The following TENM4 variants were observed in gnomAD, a reference collection of about 807,000 sequenced individuals.
The protein encoded by TENM4 is teneurin transmembrane protein 4.
TENM4 carries 82 observed loss-of-function variants against 243.3 expected under a neutral mutation model. The observed-to-expected ratio is 0.34, with a 90% confidence interval of 0.28 to 0.40. TENM4 has a LOEUF of 0.40. Ranked by LOEUF, TENM4 falls within the 10% of genes least tolerant of loss-of-function variation. TENM4 has a pLI of 1.00. For missense variants in TENM4, 3,138 were observed against 3,673.3 expected, an observed-to-expected ratio of 0.85 and a Z score of 3.77; for synonymous variants, 1,412 against 1,456.3, an observed-to-expected ratio of 0.97 and a Z score of 0.69.
intron 27 of TENM4, among the ~76,000 whole-genome samples, chr11:78,704,151 A>ATG (rs1168148798): frequency 4.7e-5 from 5 of 106,006 alleles, no homozygotes; most frequent in African/African-American, 2.0e-4. Context: ...ATGTGTATGT[A>ATG]TGTGTGTCTA....
chr11:79,014,507 C>T (rs192221090), intron 6 of TENM4: 46 of 152,342 alleles, frequency 3.0e-4, no homozygotes, highest in African/African-American at 1.1e-3. Context: ...TAAAATGGTT[C>T]TCCTTAATGT....
intron 3 of TENM4, among the ~76,000 whole-genome samples, chr11:79,202,829 G>A (rs1429261332): frequency 6.6e-6 from 1 of 152,214 alleles, no homozygotes; most frequent in African/African-American, 2.4e-5. Context: ...ACCCTAGACA[G>A]AAAGACCATG....
At chr11:79,182,689 G>A (rs1214223768) in intron 3 of TENM4, among the ~76,000 whole-genome samples, 1 of 152,078 alleles carries the variant, frequency 6.6e-6, no homozygotes, top group Non-Finnish European at 1.5e-5. Context: ...AGGACTGTTA[G>A]CCAAAATATC....
Position 78,803,843 on chromosome 11 carries a change from G to A in TENM4, c.2179+1449C>T, listed in dbSNP as rs1955063. On this transcript the variant is annotated intron_variant, in intron 15 of 33. Transcript: ENST00000278550. The stretch of plus-strand genomic sequence containing the variant: ...CTTTAAGAGGACCATTTATTATATC[G>A]CTATAAACAGAGCTATATAAAAAGA... 5.7e-3 allele frequency among the ~76,000 whole-genome samples: 866 copies of A among 152,258 alleles called. 20 individuals are homozygous for A. The highest frequency in any genetic ancestry group is 0.047 in the Admixed American group (722 of 15,296).
At chr11:79,291,906 AG>A (rs1481645913) in intron 2 of TENM4, among the ~76,000 whole-genome samples, 4 of 152,178 alleles carry the variant, frequency 2.6e-5, no homozygotes, top group African/African-American at 9.7e-5. Flanking sequence ...CTGCAGTCCC[AG>A]GACTTAGAAC....
At chr11:78,663,812 G>T (rs963976592) in intron 32 of TENM4, among the ~76,000 whole-genome samples, 1 of 152,184 alleles carries the variant, frequency 6.6e-6, no homozygotes, top group Non-Finnish European at 1.5e-5. Context: ...CTACTGGTGT[G>T]AGTGACTGTG....
chr11:78,907,789 C>T lies in TENM4; in HGVS notation c.494-4266G>A, dbSNP rs11820902. 9.8e-3 allele frequency among the ~76,000 whole-genome samples: 1,493 copies of T among 152,306 alleles called. 22 individuals carry two copies. The highest frequency in any genetic ancestry group is 0.034 in the African/African-American group (1,412 of 41,554). On this transcript the variant is annotated intron_variant, in intron 6 of 33. Coordinates refer to ENST00000278550, the MANE Select transcript of TENM4 (RefSeq NM_001098816.3). ...CCTGCACAAGCAGTTGCTTCTCTCA[C>T]GCTACCTGGGAGTACACATTGGTAC...
intron 6 of TENM4, among the ~76,000 whole-genome samples, chr11:78,920,092 T>C (rs1359022158): frequency 6.6e-6 from 1 of 152,176 alleles, no homozygotes; most frequent in Non-Finnish European, 1.5e-5. Flanking sequence ...TGTCACATAG[T>C]AGGTGCGAAT....
intron 4 of TENM4, among the ~76,000 whole-genome samples, chr11:79,123,670 T>A (rs572995149): frequency 6.6e-6 from 1 of 151,708 alleles, no homozygotes; most frequent in Non-Finnish European, 1.5e-5. Context: ...AGGCTTGGAC[T>A]GGGCCTTGTG....
At position 78,866,553 on chromosome 11, in the gene TENM4, T is replaced by C. The variant is rs1007400964; in HGVS notation, c.1085-3421A>G. 2.9e-5 allele frequency among the ~76,000 whole-genome samples: 4 copies of C among 137,226 alleles called. No individual in the cohort carries two copies. The East Asian group carries it at 6.4e-4, about 22-fold the overall frequency. 90.0% of individuals were successfully genotyped at this position (137,226 alleles called of 152,430 possible). A position where few individuals can be genotyped will look rare whatever the true frequency, so the allele number is the denominator to read the frequency against. On this transcript the variant is annotated intron_variant, in intron 9 of 33. Transcript: ENST00000278550. ...GTGAAAATGATCAACAGGTCTGGGG[T>C]CCCAGGGAAGTTAATGAGGGCAGGA...
chr11:78,977,131 C>A (rs1162075622), intron 6 of TENM4, among the ~76,000 whole-genome samples: 1 of 152,210 alleles, frequency 6.6e-6, no homozygotes, highest in Non-Finnish European at 1.5e-5. Context: ...TCATCTCTGG[C>A]ATTCCCTGGC....
At chr11:78,964,386 G>A (rs192455003) in intron 6 of TENM4, among the ~76,000 whole-genome samples, 7 of 152,258 alleles carry the variant, frequency 4.6e-5, no homozygotes, top group Non-Finnish European at 8.8e-5. Flanking sequence ...TTAACTTTAT[G>A]TGACAACATT....
At chr11:79,355,867 T>C (rs1857488797) in intron 1 of TENM4, among the ~76,000 whole-genome samples, 1 of 152,190 alleles carries the variant, frequency 6.6e-6, no homozygotes. Flanking sequence ...TTACGGAACC[T>C]CAGTGGAACA....
chr11:78,696,006 T>C (rs970922341), intron 28 of TENM4, among the ~76,000 whole-genome samples: 3 of 152,088 alleles, frequency 2.0e-5, no homozygotes, highest in African/African-American at 4.8e-5. Flanking sequence ...TCTCCTGGAA[T>C]TCCAATTACA....
chr11:78,871,259 G>A (rs564341830), intron 9 of TENM4, among the ~76,000 whole-genome samples: 1 of 152,306 alleles, frequency 6.6e-6, no homozygotes, highest in African/African-American at 2.4e-5. Flanking sequence ...CTAGCTTTGA[G>A]AGTTGTGGAG....
At chr11:78,749,299 A>T (rs1261625738) in intron 19 of TENM4, 1 of 152,048 alleles carries the variant, frequency 6.6e-6, no homozygotes, top group East Asian at 1.9e-4. Context: ...ATTTTGGAGG[A>T]AGCAGGATCT....
chr11:78,953,880 A>T (rs573990005), intron 6 of TENM4, among the ~76,000 whole-genome samples: 2 of 152,050 alleles, frequency 1.3e-5, no homozygotes, highest in Admixed American at 1.3e-4. Flanking sequence ...TGAGGCCCAG[A>T]GAGGTGAAGC....
intron 6 of TENM4, among the ~76,000 whole-genome samples, chr11:78,926,712 A>G (rs1856560014): frequency 6.7e-6 from 1 of 148,190 alleles, no homozygotes; most frequent in African/African-American, 2.6e-5. Context: ...GCATAGCTTT[A>G]ACATGAGATT....
rs986345302 is a variant in TENM4, at chr11:78,771,064, G to A, written c.2467C>T (p.Leu823=). The A allele has an allele frequency of 1.7e-5, 27 of 1,578,264 alleles. No homozygotes were observed. In the East Asian group the frequency reaches 6.3e-4, roughly 37 times the overall value. Residue 823 remains leucine, a synonymous_variant, in exon 18 of 34, where the codon CTG becomes TTG. Transcript: ENST00000278550. ...TCACAGCCAGCTCCTCTCCAGCCCAGCTGGCAGACGCAGTGCCAACCATTC... is the reference window on the plus strand; with the variant it reads ...TCACAGCCAGCTCCTCTCCAGCCCAACTGGCAGACGCAGTGCCAACCATTC... ...DLNGWHCVCQ[L]GWRGAGCDTS... is the part of the protein sequence containing the mutation.
Sources: gnomAD v4.1 joint callset for allele counts (sites outside exome capture counted in the v4.1 genomes callset) on GRCh38, gnomAD v4.1.1 for gene constraint, MANE v1.5 for transcripts, NCBI Gene and HGNC (gene_info 2026-07-23, HGNC 2026-07-21) for gene names.